The following IMMP2L variants were observed in gnomAD, a reference collection of about 807,000 sequenced individuals.
The protein encoded by IMMP2L is inner mitochondrial membrane peptidase subunit 2, also known as mitochondrial inner membrane protease subunit 2.
A neutral mutation model predicts 19.3 loss-of-function variants in IMMP2L; 18 were observed. The ratio of observed to expected loss-of-function variants is 0.93; its 90% CI spans 0.64 to 1.38. The LOEUF (loss-of-function observed/expected upper bound fraction) is 1.38, where lower values mean the gene tolerates loss of function less well. Among genes scored for constraint, IMMP2L ranks in the 40% most tolerant of loss-of-function variants. The pLI is 0.00. For missense variants in IMMP2L, 233 were observed against 218.2 expected (o/e 1.07, Z -0.43); for synonymous variants, 76 against 73.0 (o/e 1.04, Z -0.21).
At position 111,436,569 on chromosome 7, in the gene IMMP2L, A is replaced by G. The variant is rs766354053; in HGVS notation, c.239+50669T>C. Among the ~76,000 whole-genome samples, 86 of 151,832 alleles carry G rather than the reference A, an allele frequency of 5.7e-4. 2 individuals are homozygous for G. The highest frequency in any genetic ancestry group is 1.2e-3 in the African/African-American group (51 of 41,232). On this transcript the variant is annotated intron_variant, in intron 3 of 5. Transcript: ENST00000405709. ...ACACATATATGAATACTTTTTAAAC[A>G]TTTTTTCTCATTATGTAAAAAATCA...
chr7:111,507,230 T>C lies in IMMP2L; in HGVS notation c.135+14083A>G, dbSNP rs1845003097. Among the ~76,000 whole-genome samples the C allele has an allele frequency of 1.3e-5, 2 of 152,202 alleles. 1 individual carries two copies. Among genetic ancestry groups the C allele is most frequent in the Admixed American group, 1.3e-4 (2 of 15,270 alleles). ...TGAGGATCTTTTGCCTGCTAGATAC[T>C]GGGAATGAAAAATAGTTTTATTTTC... On this transcript the variant is annotated intron_variant, in intron 2 of 5. Transcript: ENST00000405709.
intron 5 of IMMP2L, among the ~76,000 whole-genome samples, chr7:110,686,541 C>T (rs182898764): frequency 6.6e-6 from 1 of 152,114 alleles, no homozygotes; most frequent in East Asian, 1.9e-4. Flanking sequence ...AGGTATCACA[C>T]CAGATCATAT....
intron 3 of IMMP2L, among the ~76,000 whole-genome samples, chr7:111,243,363 G>A (rs538894568): frequency 5.3e-5 from 8 of 152,048 alleles, no homozygotes. Context: ...CACAGTACTA[G>A]TAAATTCCCA....
intron 3 of IMMP2L, among the ~76,000 whole-genome samples, chr7:111,268,410 G>A (rs528966056): frequency 1.3e-5 from 2 of 150,174 alleles, no homozygotes; most frequent in African/African-American, 2.5e-5. Flanking sequence ...CAGCTATGTG[G>A]TGGCAGCAAT....
At chr7:111,396,616 T>G (rs570931841) in intron 3 of IMMP2L, among the ~76,000 whole-genome samples, 1 of 152,114 alleles carries the variant, frequency 6.6e-6, no homozygotes, top group African/African-American at 2.4e-5. Context: ...TGTATACCTA[T>G]TTAACAAACC....
chr7:110,844,529 G>A (rs1242153449), intron 5 of IMMP2L, among the ~76,000 whole-genome samples: 1 of 151,784 alleles, frequency 6.6e-6, no homozygotes, highest in African/African-American at 2.4e-5. Flanking sequence ...CAAACGGATG[G>A]GGGTCTTTTA....
intron 3 of IMMP2L, among the ~76,000 whole-genome samples, chr7:111,375,619 G>A (rs767669973): frequency 4.6e-5 from 7 of 151,794 alleles, no homozygotes; most frequent in African/African-American, 7.3e-5. Context: ...TCCACTTCCC[G>A]GGTCAAGCAA....
intron 3 of IMMP2L, among the ~76,000 whole-genome samples, chr7:111,070,518 T>G (rs1794862528): frequency 6.6e-6 from 1 of 152,198 alleles, no homozygotes; most frequent in Non-Finnish European, 1.5e-5. Flanking sequence ...TGGATATTTT[T>G]GACTAAGAAA....
chr7:111,327,584 T>TA (rs959683785), intron 3 of IMMP2L, among the ~76,000 whole-genome samples: 3 of 151,582 alleles, frequency 2.0e-5, no homozygotes, highest in African/African-American at 7.3e-5. Flanking sequence ...CATAATATAT[T>TA]AATAAATAAA....
intron 3 of IMMP2L, among the ~76,000 whole-genome samples, chr7:111,353,858 T>C (rs756865567): frequency 6.6e-6 from 1 of 152,166 alleles, no homozygotes; most frequent in African/African-American, 2.4e-5. Context: ...AAGTTATGAA[T>C]AGAAAACACT....
intron 5 of IMMP2L, among the ~76,000 whole-genome samples, chr7:110,685,543 G>A (rs546767500): frequency 1.3e-5 from 2 of 152,108 alleles, no homozygotes; most frequent in African/African-American, 4.8e-5. Flanking sequence ...ACAGTTAATG[G>A]TGCTGAACTA....
At chr7:110,719,756 G>A (rs781129797) in intron 5 of IMMP2L, among the ~76,000 whole-genome samples, 4 of 152,166 alleles carry the variant, frequency 2.6e-5, no homozygotes, top group Non-Finnish European at 4.4e-5. Context: ...AGCTTTAAAT[G>A]AGAAGAAGCT....
intron 2 of IMMP2L, among the ~76,000 whole-genome samples, chr7:111,490,270 C>T (rs1299367158): frequency 6.7e-6 from 1 of 148,598 alleles, no homozygotes; most frequent in Non-Finnish European, 1.5e-5. Context: ...CCAGCTAAGT[C>T]GGGTTTTTTT....
At chr7:111,527,424 G>GA (rs1035959775) in intron 1 of IMMP2L, among the ~76,000 whole-genome samples, 1 of 118,714 alleles carries the variant, frequency 8.4e-6, no homozygotes, top group African/African-American at 3.5e-5. Context: ...CTCCAAAAAG[G>GA]GGGGGGGGGT....
intron 3 of IMMP2L, among the ~76,000 whole-genome samples, chr7:111,384,413 G>GCTTTGTA (rs1368658576): frequency 6.6e-6 from 1 of 152,086 alleles, no homozygotes; most frequent in East Asian, 1.9e-4. Flanking sequence ...GCTGAATTCA[G>GCTTTGTA]CTTTGTATCT....
intron 3 of IMMP2L, among the ~76,000 whole-genome samples, chr7:111,325,657 CA>C (rs1355161420): frequency 6.6e-6 from 1 of 151,298 alleles, no homozygotes; most frequent in Non-Finnish European, 1.5e-5. Context: ...ATTTCCTTAA[CA>C]AAAAAATCCT....
At chr7:111,199,808 T>C (rs542566383) in intron 3 of IMMP2L, among the ~76,000 whole-genome samples, 12 of 152,262 alleles carry the variant, frequency 7.9e-5, no homozygotes, top group African/African-American at 2.9e-4. Context: ...GTAGATGTCT[T>C]ATCTCACATA....
intron 3 of IMMP2L, among the ~76,000 whole-genome samples, chr7:111,258,325 A>C (rs1816948879): frequency 6.6e-6 from 1 of 152,060 alleles, no homozygotes; most frequent in African/African-American, 2.4e-5. Context: ...AAAAAAGGTG[A>C]ATTGATTGAA....
intron 3 of IMMP2L, among the ~76,000 whole-genome samples, chr7:111,218,303 A>T (rs1398930000): frequency 6.6e-6 from 1 of 152,072 alleles, no homozygotes; most frequent in African/African-American, 2.4e-5. Context: ...AAACTTTTCA[A>T]TTCTTATAAA....
Sources: gnomAD v4.1 joint callset for allele counts (sites outside exome capture counted in the v4.1 genomes callset) on GRCh38, gnomAD v4.1.1 for gene constraint, MANE v1.5 for transcripts, NCBI Gene and HGNC (gene_info 2026-07-23, HGNC 2026-07-21) for gene names.